COMMD7: variants seen among roughly 807,000 people sequenced by gnomAD.
COMMD7 encodes the protein COMM domain-containing protein 7.
COMMD7 carries 28 observed loss-of-function variants against 34.8 expected under a neutral mutation model. The ratio of observed to expected loss-of-function variants is 0.80; its 90% confidence interval spans 0.60 to 1.10. The LOEUF (loss-of-function observed/expected upper bound fraction) is 1.10, where lower values mean the gene tolerates loss of function less well. Ranked by LOEUF, COMMD7 falls within the 50% of genes least tolerant of loss-of-function variation. The probability of loss-of-function intolerance (pLI) is 0.00; values close to 1 mark genes in which losing one functional copy is unlikely to be tolerated. For synonymous variants in COMMD7, 80 were observed against 86.4 expected (o/e 0.93, Z 0.41); for missense variants, 211 against 241.6 (o/e 0.87, Z 0.84).
At chr20:32,723,020 A>AGAAT (rs1985266398) in intron 3 of COMMD7, among the ~76,000 whole-genome samples, 1 of 75,844 alleles carries the variant, frequency 1.3e-5, no homozygotes, top group African/African-American at 4.4e-5. Flanking sequence ...CTCCATCTCA[A>AGAAT]AAATAAATAA....
At chr20:32,712,770 G>GAA (rs1984550573) in intron 3 of COMMD7, among the ~76,000 whole-genome samples, 21 of 121,162 alleles carry the variant, frequency 1.7e-4, no homozygotes, top group South Asian at 1.1e-3. Context: ...TTTTTTTTTC[G>GAA]AGACAGAGTC....
Position 32,743,297 on chromosome 20 carries a change from G to A in COMMD7, c.84+11C>T, listed in dbSNP as rs1456466679. On this transcript the variant is annotated intron_variant, in intron 1 of 8. Transcript: ENST00000278980. ...TGGGCCCCGCGCCCCACGCCCCGCC[G>A]CCGGGCCCACCTGCGCGCCCAGCTG... is the stretch of plus-strand genomic sequence containing the variant. The A allele has an allele frequency of 6.4e-6, 8 of 1,243,226 alleles. 1 individual carries two copies. In the African/African-American group the frequency reaches 1.5e-4, roughly 23 times the overall value. 77.0% of individuals were successfully genotyped at this position (1,243,226 alleles called of 1,614,324 possible). A position where few individuals can be genotyped will look rare whatever the true frequency, so the allele number is the denominator to read the frequency against.
intron 3 of COMMD7, among the ~76,000 whole-genome samples, chr20:32,724,138 A>C (rs1600990684): frequency 1.1e-4 from 1 of 9,116 alleles, no homozygotes. Context: ...TCCAGGAGGG[A>C]GGTGGGGGGG....
intron 3 of COMMD7, among the ~76,000 whole-genome samples, chr20:32,712,635 T>C (rs1438815226): frequency 6.7e-6 from 1 of 148,230 alleles, no homozygotes; most frequent in African/African-American, 2.5e-5. Context: ...AAGAAAATTG[T>C]GTAAACTCCA....
intron 3 of COMMD7, among the ~76,000 whole-genome samples, chr20:32,718,385 C>T (rs1984940913): frequency 1.4e-5 from 2 of 144,920 alleles, no homozygotes; most frequent in African/African-American, 5.2e-5. Context: ...GCCTGGGCTA[C>T]AGAGCGAAAC....
At chr20:32,718,110 A>C (rs1362697972) in intron 3 of COMMD7, among the ~76,000 whole-genome samples, 1 of 151,882 alleles carries the variant, frequency 6.6e-6, no homozygotes, top group Non-Finnish European at 1.5e-5. Flanking sequence ...AAAATCAATA[A>C]AATAAAAAGG....
chr20:32,732,807 G>T (rs566897294), intron 1 of COMMD7, among the ~76,000 whole-genome samples: 1 of 151,680 alleles, frequency 6.6e-6, no homozygotes, highest in Admixed American at 6.6e-5. Flanking sequence ...TTGGAAGTGG[G>T]CGCCTGTAGT....
At chr20:32,720,521 T>C (rs1009181658) in intron 3 of COMMD7, among the ~76,000 whole-genome samples, 5 of 149,984 alleles carry the variant, frequency 3.3e-5, no homozygotes, top group Non-Finnish European at 7.4e-5. Flanking sequence ...AAGAAAAATA[T>C]AGACTAGGCC....
At chr20:32,741,000 A>G (rs1299653335) in intron 1 of COMMD7, among the ~76,000 whole-genome samples, 3 of 151,872 alleles carry the variant, frequency 2.0e-5, no homozygotes, top group Non-Finnish European at 4.4e-5. Context: ...AAAATTAGCC[A>G]GGCATGGTGG....
intron 3 of COMMD7, among the ~76,000 whole-genome samples, chr20:32,719,792 T>C (rs544644527): frequency 1.2e-4 from 19 of 152,158 alleles, no homozygotes; most frequent in Non-Finnish European, 8.8e-5. Flanking sequence ...CTAGCAGCTC[T>C]ATCAATAAAT....
At chr20:32,720,080 T>G in intron 3 of COMMD7, among the ~76,000 whole-genome samples, 1 of 152,240 alleles carries the variant, frequency 6.6e-6, no homozygotes, top group East Asian at 1.9e-4. Flanking sequence ...AAGGCTGATT[T>G]GTCCAGAACC....
At chr20:32,716,727 G>C (rs1984810634) in intron 3 of COMMD7, among the ~76,000 whole-genome samples, 3 of 152,318 alleles carry the variant, frequency 2.0e-5, no homozygotes, top group Admixed American at 2.0e-4. Flanking sequence ...CCAGGAGTTT[G>C]AGACTAGCCC....
At chr20:32,738,072 A>G (rs1812152774) in intron 1 of COMMD7, among the ~76,000 whole-genome samples, 1 of 152,192 alleles carries the variant, frequency 6.6e-6, no homozygotes, top group Admixed American at 6.6e-5. Flanking sequence ...TAGGCTTTGA[A>G]GCCAAACACG....
chr20:32,740,326 A>G (rs1275342021), intron 1 of COMMD7, among the ~76,000 whole-genome samples: 2 of 151,964 alleles, frequency 1.3e-5, no homozygotes, highest in Non-Finnish European at 2.9e-5. Flanking sequence ...CAAAAAAAAA[A>G]AGAAAAGGGC....
intron 1 of COMMD7, among the ~76,000 whole-genome samples, chr20:32,739,553 G>A (rs930259170): frequency 1.5e-4 from 22 of 145,992 alleles, no homozygotes; most frequent in Non-Finnish European, 2.7e-4. Context: ...GCTGAGGCAG[G>A]AGAATGGCGT....
At chr20:32,718,662 G>T (rs1188693684) in intron 3 of COMMD7, among the ~76,000 whole-genome samples, 2 of 152,026 alleles carry the variant, frequency 1.3e-5, no homozygotes, top group Non-Finnish European at 2.9e-5. Flanking sequence ...CTGTGCCATT[G>T]CACTCCAGCC....
intron 5 of COMMD7, among the ~76,000 whole-genome samples, chr20:32,705,358 GTATATATA>G (rs559340881): frequency 4.3e-5 from 6 of 138,586 alleles, no homozygotes; most frequent in Non-Finnish European, 7.6e-5. Flanking sequence ...ATGTGTGTGT[GTATATATA>G]TATATATATA....
chr20:32,705,804 T>C (rs1360020464), intron 5 of COMMD7, among the ~76,000 whole-genome samples: 1 of 152,178 alleles, frequency 6.6e-6, no homozygotes, highest in Non-Finnish European at 1.5e-5. Flanking sequence ...GTGTATGACA[T>C]GCGCTTGAAG....
chr20:32,715,712 T>A (rs1218288525), intron 3 of COMMD7, among the ~76,000 whole-genome samples: 2 of 152,016 alleles, frequency 1.3e-5, no homozygotes, highest in Non-Finnish European at 2.9e-5. Context: ...GAGGCTGAGG[T>A]CGGAGGCTTA....
Sources: gnomAD v4.1 joint callset for allele counts (sites outside exome capture counted in the v4.1 genomes callset) on GRCh38, gnomAD v4.1.1 for gene constraint, MANE v1.5 for transcripts, NCBI Gene and HGNC (gene_info 2026-07-23, HGNC 2026-07-21) for gene names.